The following YAP1 variants were observed in gnomAD, a reference collection of about 807,000 sequenced individuals.
YAP1 encodes Yes1 associated transcriptional regulator.
In YAP1, 5 loss-of-function variants were observed where a neutral mutation model predicts 56.9. That is an observed-to-expected ratio of 0.09 (90% confidence interval 0.05 to 0.18). The LOEUF (loss-of-function observed/expected upper bound fraction) is 0.18, where lower values mean the gene tolerates loss of function less well. Ranked by LOEUF, YAP1 falls within the 10% of genes least tolerant of loss-of-function variation. The probability of loss-of-function intolerance (pLI) is 1.00; values close to 1 mark genes in which losing one functional copy is unlikely to be tolerated. For missense variants in YAP1, 539 were observed against 651.8 expected, an observed-to-expected ratio of 0.83 and a Z score of 1.88; for synonymous variants, 265 against 248.1, an observed-to-expected ratio of 1.07 and a Z score of -0.64.
At chr11:102,153,368 T>C in intron 2 of YAP1, among the ~76,000 whole-genome samples, 1 of 152,222 alleles carries the variant, frequency 6.6e-6, no homozygotes, top group Admixed American at 6.5e-5. Flanking sequence ...ACAGTTGTAG[T>C]GGACAAAACA....
chr11:102,184,965 T>A (rs974565064), intron 3 of YAP1, among the ~76,000 whole-genome samples: 4 of 152,226 alleles, frequency 2.6e-5, no homozygotes. Context: ...GTACTACTGC[T>A]TATGTCATTT....
chr11:102,199,774 C>A (rs1738030608), intron 4 of YAP1, among the ~76,000 whole-genome samples: 1 of 152,116 alleles, frequency 6.6e-6, no homozygotes, highest in African/African-American at 2.4e-5. Context: ...CTGAGAAGAA[C>A]TGTTAATAAA....
At chr11:102,180,696 A>T (rs1565236906) in intron 3 of YAP1, among the ~76,000 whole-genome samples, 1 of 150,862 alleles carries the variant, frequency 6.6e-6, no homozygotes, top group African/African-American at 2.4e-5. Flanking sequence ...AAAAAAAAAA[A>T]AAAAAAGAAG....
chr11:102,129,576 C>T (rs1206976862), intron 2 of YAP1, among the ~76,000 whole-genome samples: 1 of 149,636 alleles, frequency 6.7e-6, no homozygotes, highest in Non-Finnish European at 1.5e-5. Context: ...CAAGATTGCG[C>T]CATTGCATTC....
intron 3 of YAP1, among the ~76,000 whole-genome samples, chr11:102,176,297 C>T (rs1297704925): frequency 6.6e-6 from 1 of 152,116 alleles, no homozygotes; most frequent in East Asian, 1.9e-4. Flanking sequence ...TTCCACATAG[C>T]TTATAGTTAA....
chr11:102,203,622 A>G (rs2135585870), intron 4 of YAP1, among the ~76,000 whole-genome samples: 1 of 152,344 alleles, frequency 6.6e-6, no homozygotes, highest in East Asian at 1.9e-4. Flanking sequence ...ATGAGTACAC[A>G]AGGATTCATT....
chr11:102,210,791 T>G (rs894932385), intron 6 of YAP1, among the ~76,000 whole-genome samples: 2 of 152,192 alleles, frequency 1.3e-5, no homozygotes, highest in African/African-American at 4.8e-5. Flanking sequence ...TTCGCTCTGT[T>G]GCCGAGGCTG....
At chr11:102,199,423 CT>C (rs151190080) in intron 4 of YAP1, among the ~76,000 whole-genome samples, 10,366 of 152,196 alleles carry the variant, frequency 0.068, 520 homozygotes, top group Middle Eastern at 0.19. Context: ...AAATTGTTGG[CT>C]TTTTTCGTAT....
intron 3 of YAP1, among the ~76,000 whole-genome samples, chr11:102,171,151 A>C (rs866388103): frequency 1.8e-4 from 27 of 152,162 alleles, no homozygotes; most frequent in African/African-American, 5.6e-4. Flanking sequence ...AATGAGAAAG[A>C]GATTAAATTA....
chr11:102,223,274 A>G (rs1305072598), intron 6 of YAP1, among the ~76,000 whole-genome samples: 2 of 150,080 alleles, frequency 1.3e-5, no homozygotes, highest in Non-Finnish European at 3.0e-5. Context: ...AAAAAAAAAG[A>G]AGAATTTTTT....
chr11:102,190,160 T>G (rs1291345842), intron 4 of YAP1, among the ~76,000 whole-genome samples: 3 of 151,044 alleles, frequency 2.0e-5, no homozygotes, highest in Non-Finnish European at 4.4e-5. Flanking sequence ...AAAAGTGAGG[T>G]TTTTTTTGTT....
intron 3 of YAP1, among the ~76,000 whole-genome samples, chr11:102,178,608 T>G (rs1446010901): frequency 6.6e-6 from 1 of 152,180 alleles, no homozygotes; most frequent in African/African-American, 2.4e-5. Flanking sequence ...AAGTTGTCAA[T>G]CAAGTAATAC....
intron 3 of YAP1, among the ~76,000 whole-genome samples, chr11:102,168,546 G>A (rs1310805584): frequency 1.3e-5 from 2 of 152,140 alleles, no homozygotes; most frequent in Admixed American, 6.5e-5. Flanking sequence ...CTCTACCAAT[G>A]TAGCACTTTC....
chr11:102,167,978 A>G (rs951633722), intron 3 of YAP1, among the ~76,000 whole-genome samples: 1 of 152,150 alleles, frequency 6.6e-6, no homozygotes, highest in African/African-American at 2.4e-5. Flanking sequence ...CACGAGGTCA[A>G]GGCTGCAGTG....
chr11:102,191,539 A>G (rs1449511366), intron 4 of YAP1, among the ~76,000 whole-genome samples: 1 of 152,214 alleles, frequency 6.6e-6, no homozygotes, highest in Non-Finnish European at 1.5e-5. Flanking sequence ...TTAATCTTTC[A>G]GAAATACCTA....
chr11:102,112,415 AT>A, intron 1 of YAP1: 2 of 926,456 alleles, frequency 2.2e-6, no homozygotes, highest in South Asian at 1.0e-4. Context: ...TTTCTTTTTT[AT>A]TTCTTCTTCT....
rs140768465 is a variant in YAP1 at position 102,151,544 on chromosome 11, A to G, written c.573-10912A>G. Among the ~76,000 whole-genome samples, 372 of 152,138 alleles carry G rather than the reference A, an allele frequency of 2.4e-3. 2 individuals carry two copies. Among genetic ancestry groups the G allele is most frequent in the African/African-American group, 8.4e-3 (347 of 41,512 alleles). On this transcript the variant is annotated intron_variant, in intron 2 of 8. Coordinates refer to ENST00000282441, the MANE Select transcript of YAP1 (RefSeq NM_001130145.3). ...TTTATATTCATTTATAGATCATTTTATATTCATTTCTAACCTCTGTCATTT... is the reference window on the plus strand; with the variant it reads ...TTTATATTCATTTATAGATCATTTTGTATTCATTTCTAACCTCTGTCATTT...
At chr11:102,188,977 A>C (rs189224621) in intron 4 of YAP1, among the ~76,000 whole-genome samples, 1 of 152,266 alleles carries the variant, frequency 6.6e-6, no homozygotes, top group East Asian at 1.9e-4. Context: ...TAGAGAATTC[A>C]TTAGTAATTT....
At chr11:102,144,777 C>G (rs1450847082) in intron 2 of YAP1, among the ~76,000 whole-genome samples, 1 of 152,056 alleles carries the variant, frequency 6.6e-6, no homozygotes, top group African/African-American at 2.4e-5. Flanking sequence ...TTGCCTTACC[C>G]TTTTTGGAAT....
Sources: allele counts gnomAD v4.1 joint callset (sites outside exome capture counted in the v4.1 genomes callset), GRCh38; gene constraint gnomAD v4.1.1; transcripts MANE v1.5; gene names NCBI Gene and HGNC (gene_info 2026-07-23, HGNC 2026-07-21).